Variants in SPAG16 observed in about 807,000 individuals in gnomAD.
SPAG16 encodes sperm-associated antigen 16 protein.
In SPAG16, 86 loss-of-function variants were observed where a neutral mutation model predicts 80.4. That is an observed-to-expected ratio of 1.07 (90% CI 0.90 to 1.28). The LOEUF (loss-of-function observed/expected upper bound fraction) is 1.28, where lower values mean the gene tolerates loss of function less well. Among genes scored for constraint, SPAG16 ranks in the 50% most tolerant of loss-of-function variants. The pLI is 0.00. For missense variants in SPAG16, 870 were observed against 765.3 expected, an observed-to-expected ratio of 1.14 and a Z score of -1.61; for synonymous variants, 294 against 265.9, an observed-to-expected ratio of 1.11 and a Z score of -1.03.
chr2:214,174,916 C>A (rs1375977900), intron 15 of SPAG16, among the ~76,000 whole-genome samples: 1 of 151,678 alleles, frequency 6.6e-6, no homozygotes, highest in Admixed American at 6.6e-5. Flanking sequence ...TAGTTCCATA[C>A]CCTGCCTAGA....
intron 14 of SPAG16, among the ~76,000 whole-genome samples, chr2:214,143,802 A>G (rs2055492865): frequency 6.6e-6 from 1 of 152,144 alleles, no homozygotes; most frequent in Non-Finnish European, 1.5e-5. Context: ...AGAGCTTTCC[A>G]TGCAAACACA....
intron 15 of SPAG16, among the ~76,000 whole-genome samples, chr2:214,315,892 G>A (rs901187109): frequency 2.0e-5 from 3 of 152,070 alleles, no homozygotes; most frequent in Non-Finnish European, 2.9e-5. Context: ...GGGGTGTTTC[G>A]ATTTAGTTTA....
At chr2:214,225,797 G>GT (rs1461470535) in intron 15 of SPAG16, among the ~76,000 whole-genome samples, 1 of 152,094 alleles carries the variant, frequency 6.6e-6, no homozygotes, top group Non-Finnish European at 1.5e-5. Flanking sequence ...ATATGTGGAT[G>GT]TTTGTTTCCT....
chr2:214,230,599 T>A (rs1688624740), intron 15 of SPAG16, among the ~76,000 whole-genome samples: 1 of 151,964 alleles, frequency 6.6e-6, no homozygotes, highest in Non-Finnish European at 1.5e-5. Context: ...GCTTTCAGAG[T>A]TTGCTCTCAG....
chr2:213,552,303 G>A (rs1392151256), intron 10 of SPAG16, among the ~76,000 whole-genome samples: 2 of 152,000 alleles, frequency 1.3e-5, no homozygotes, highest in Admixed American at 6.6e-5. Context: ...AAAATTGCTT[G>A]ATTTCCCTAC....
intron 15 of SPAG16, among the ~76,000 whole-genome samples, chr2:214,202,194 C>T (rs921560523): frequency 5.9e-5 from 9 of 152,222 alleles, no homozygotes; most frequent in East Asian, 3.9e-4. Context: ...ATGTGGGAGA[C>T]GTTACACCAA....
intron 10 of SPAG16, among the ~76,000 whole-genome samples, chr2:213,557,080 A>C (rs1388785328): frequency 6.6e-6 from 1 of 152,142 alleles, no homozygotes; most frequent in Non-Finnish European, 1.5e-5. Context: ...AAAATTAAGC[A>C]TATGTTATTT....
chr2:213,367,208 TC>T (rs1444442564), intron 8 of SPAG16, among the ~76,000 whole-genome samples: 5 of 148,482 alleles, frequency 3.4e-5, no homozygotes, highest in Non-Finnish European at 6.0e-5. Context: ...TTGGGTTGGT[TC>T]CAAGTCTTTG....
intron 12 of SPAG16, among the ~76,000 whole-genome samples, chr2:213,956,533 C>T (rs932726538): frequency 8.0e-5 from 12 of 150,642 alleles, no homozygotes; most frequent in African/African-American, 2.4e-4. Flanking sequence ...CTGCAACCGC[C>T]GCCTCCCAGA....
At position 214,272,728 on chromosome 2, in the gene SPAG16, C is replaced by T. The variant is rs573367705; in HGVS notation, c.1720+123462C>T. The stretch of plus-strand genomic sequence containing the variant: ...TGGGTTGGTTCCAAGTCTTTGCTAT[C>T]GTGAATAGTGCTGCAATAAACATAC... On this transcript the variant is annotated intron_variant, in intron 15 of 15. Transcript: ENST00000331683. 7.3e-4 allele frequency among the ~76,000 whole-genome samples: 111 copies of T among 152,192 alleles called. 1 individual carries two copies. The highest frequency in any genetic ancestry group is 2.1e-3 in the African/African-American group (89 of 41,518).
intron 10 of SPAG16, among the ~76,000 whole-genome samples, chr2:213,685,660 G>A (rs1257104597): frequency 6.6e-6 from 1 of 152,228 alleles, no homozygotes; most frequent in Non-Finnish European, 1.5e-5. Flanking sequence ...TAGAACAATA[G>A]GCAGGGACAA....
At chr2:213,990,667 C>T (rs1220248227) in intron 12 of SPAG16, among the ~76,000 whole-genome samples, 2 of 152,062 alleles carry the variant, frequency 1.3e-5, no homozygotes, top group East Asian at 3.9e-4. Flanking sequence ...GTTATCTTCA[C>T]GTTGAGTAGG....
intron 1 of SPAG16, among the ~76,000 whole-genome samples, chr2:213,290,398 T>C (rs2062223103): frequency 6.6e-6 from 1 of 152,080 alleles, no homozygotes; most frequent in East Asian, 1.9e-4. Context: ...AGGGGAGCCA[T>C]GGACACTACC....
intron 13 of SPAG16, among the ~76,000 whole-genome samples, chr2:214,101,029 T>C (rs957599231): frequency 1.3e-5 from 2 of 152,174 alleles, no homozygotes; most frequent in African/African-American, 4.8e-5. Flanking sequence ...GCATTAGCAC[T>C]TTAATGATTT....
At chr2:213,631,460 C>T (rs533931812) in intron 10 of SPAG16, among the ~76,000 whole-genome samples, 1 of 152,252 alleles carries the variant, frequency 6.6e-6, no homozygotes, top group East Asian at 1.9e-4. Context: ...TGTGTCCCCA[C>T]CCAAATATCA....
chr2:213,302,645 G>GTGTGTGTGTGTGTGTGTA (rs1221361547), intron 3 of SPAG16: 1 of 99,770 alleles, frequency 1.0e-5, no homozygotes, highest in Non-Finnish European at 2.0e-5. Flanking sequence ...GTGTGTGTGT[G>GTGTGTGTGTGTGTGTGTA]TGTGTGTGTG....
rs1172738279 is a variant in SPAG16, at chr2:213,491,276, C to T, written c.1070+1186C>T. Among the ~76,000 whole-genome samples, 4 of 152,206 alleles carry T rather than the reference C, an allele frequency of 2.6e-5. No individual in the cohort carries two copies. The East Asian group carries it at 5.8e-4, about 22-fold the overall frequency. On this transcript the variant is annotated intron_variant, in intron 10 of 15. Coordinates refer to ENST00000331683, the MANE Select transcript of SPAG16 (RefSeq NM_024532.5). Reference sequence around the variant, plus strand: ...TCGTGACTTTTTCTTATATGTCTATCGTTTGGAATTCTACACAATATTTCT... The same window carrying T: ...TCGTGACTTTTTCTTATATGTCTATTGTTTGGAATTCTACACAATATTTCT...
chr2:214,236,256 C>T (rs747947429), intron 15 of SPAG16, among the ~76,000 whole-genome samples: 9 of 152,116 alleles, frequency 5.9e-5, no homozygotes, highest in Non-Finnish European at 1.3e-4. Flanking sequence ...GCTATAGATA[C>T]AGTTTAAGCT....
At chr2:213,847,644 G>T (rs1041051726) in intron 10 of SPAG16, among the ~76,000 whole-genome samples, 1 of 152,142 alleles carries the variant, frequency 6.6e-6, no homozygotes, top group Non-Finnish European at 1.5e-5. Flanking sequence ...TTCAACATGA[G>T]ATTTGGGTGG....
Sources: allele counts gnomAD v4.1 joint callset (sites outside exome capture counted in the v4.1 genomes callset), GRCh38; gene constraint gnomAD v4.1.1; transcripts MANE v1.5; gene names NCBI Gene and HGNC (gene_info 2026-07-23, HGNC 2026-07-21).